Variants in MAP3K20 observed in about 807,000 individuals in gnomAD.
The protein encoded by MAP3K20 is mitogen-activated protein kinase kinase kinase 20.
In MAP3K20, 40 loss-of-function variants were observed where a neutral mutation model predicts 85.7. That is an observed-to-expected ratio of 0.47 (90% CI 0.36 to 0.61). The LOEUF is 0.61. Ranked by LOEUF, MAP3K20 falls within the 20% of genes least tolerant of loss-of-function variation. MAP3K20 has a pLI of 0.00. For missense variants in MAP3K20, 817 were observed against 961.7 expected, an observed-to-expected ratio of 0.85 and a Z score of 1.99; for synonymous variants, 325 against 327.7, an observed-to-expected ratio of 0.99 and a Z score of 0.09.
intron 2 of MAP3K20, among the ~76,000 whole-genome samples, chr2:173,115,253 A>AT (rs994108609): frequency 6.6e-6 from 1 of 151,966 alleles, no homozygotes; most frequent in Non-Finnish European, 1.5e-5. Flanking sequence ...AAATTTCCTG[A>AT]TTTTTTAATT....
intron 2 of MAP3K20, among the ~76,000 whole-genome samples, chr2:173,134,386 C>G (rs1293895752): frequency 6.4e-5 from 4 of 62,428 alleles, no homozygotes; most frequent in South Asian, 1.1e-3. Flanking sequence ...GTGTGTGTGT[C>G]TCTATACATA....
At chr2:173,238,100 A>G (rs1000497918) in intron 14 of MAP3K20, among the ~76,000 whole-genome samples, 3 of 152,164 alleles carry the variant, frequency 2.0e-5, no homozygotes, top group African/African-American at 7.2e-5. Context: ...GTGGAGAGTT[A>G]TGATAGCATT....
chr2:173,119,470 C>G (rs980400185), intron 2 of MAP3K20, among the ~76,000 whole-genome samples: 9 of 152,180 alleles, frequency 5.9e-5, no homozygotes, highest in African/African-American at 2.2e-4. Context: ...ATATAGGAAA[C>G]AGGTCTCTTC....
intron 3 of MAP3K20, among the ~76,000 whole-genome samples, chr2:173,181,357 C>T (rs1690319233): frequency 7.5e-6 from 1 of 134,146 alleles, no homozygotes; most frequent in African/African-American, 2.8e-5. Flanking sequence ...TAGCAAGACC[C>T]CTTTCTCAGA....
chr2:173,091,030 A>C lies in MAP3K20; in HGVS notation c.-2A>C, dbSNP rs1687282543. On this transcript the variant is annotated 5_prime_UTR_variant, in exon 2 of 20. Coordinates refer to ENST00000375213, the MANE Select transcript of MAP3K20 (RefSeq NM_016653.3). ...GGAAGTATAATACTTTGTCATTATGAGATGTCGTCTCTCGGTGCCTCCTTT... is the reference window on the plus strand; with the variant it reads ...GGAAGTATAATACTTTGTCATTATGCGATGTCGTCTCTCGGTGCCTCCTTT... 2.5e-6 allele frequency: 4 copies of C among 1,607,378 alleles called. No individual in the cohort carries two copies. The highest frequency in any genetic ancestry group is 3.4e-6 in the Non-Finnish European group (4 of 1,177,844).
chr2:173,147,820 C>T (rs1030537733), intron 2 of MAP3K20, among the ~76,000 whole-genome samples: 3 of 152,032 alleles, frequency 2.0e-5, no homozygotes, highest in Admixed American at 6.6e-5. Context: ...TTCTTGATCT[C>T]GTGATCCACC....
intron 2 of MAP3K20, among the ~76,000 whole-genome samples, chr2:173,102,894 T>C (rs79493571): frequency 0.068 from 10,399 of 151,940 alleles, 515 homozygotes; most frequent in African/African-American, 0.13. Context: ...GCCAAAACCC[T>C]GTCTCTACTA....
intron 10 of MAP3K20, chr2:173,211,707 G>C (rs1383753127): frequency 6.6e-6 from 1 of 152,366 alleles, no homozygotes; most frequent in Non-Finnish European, 1.5e-5. Context: ...AACGTCAGGA[G>C]ATCGAGACCA....
intron 2 of MAP3K20, among the ~76,000 whole-genome samples, chr2:173,119,775 A>G (rs1688227947): frequency 6.6e-6 from 1 of 152,190 alleles, no homozygotes; most frequent in African/African-American, 2.4e-5. Flanking sequence ...TGTACAAGTG[A>G]AGAAGTTCTC....
intron 14 of MAP3K20, 100 bp from the exon 15 acceptor site, chr2:173,238,260 CAAGATATTTTATG>C (rs1479411110): frequency 7.0e-6 from 6 of 853,932 alleles, no homozygotes; most frequent in Non-Finnish European, 1.1e-5. Flanking sequence ...TAAATGCCCC[CAAGATATTTTATG>C]AACTAGGTAA....
At chr2:173,138,313 A>G (rs1292568413) in intron 2 of MAP3K20, among the ~76,000 whole-genome samples, 1 of 152,200 alleles carries the variant, frequency 6.6e-6, no homozygotes, top group South Asian at 2.1e-4. Context: ...GAAAGTGTCC[A>G]TGATTATGAA....
At chr2:173,139,029 A>G (rs1040530138) in intron 2 of MAP3K20, among the ~76,000 whole-genome samples, 15 of 152,184 alleles carry the variant, frequency 9.9e-5, no homozygotes, top group African/African-American at 1.4e-4. Context: ...GGCTTAAGTA[A>G]CTTTTGTTAA....
intron 2 of MAP3K20, among the ~76,000 whole-genome samples, chr2:173,118,354 A>T (rs1454015004): frequency 6.6e-6 from 1 of 152,238 alleles, no homozygotes; most frequent in Non-Finnish European, 1.5e-5. Context: ...ATGGACCTGA[A>T]TTAATTTTTT....
intron 10 of MAP3K20, among the ~76,000 whole-genome samples, chr2:173,216,675 C>T (rs1021858530): frequency 6.6e-5 from 10 of 152,168 alleles, no homozygotes; most frequent in African/African-American, 2.4e-4. Context: ...AGTGTCATCT[C>T]AACCACTTAC....
At chr2:173,151,140 A>G (rs747081693) in intron 2 of MAP3K20, among the ~76,000 whole-genome samples, 7 of 152,142 alleles carry the variant, frequency 4.6e-5, no homozygotes, top group African/African-American at 1.2e-4. Context: ...TTGTTATTAG[A>G]CAATAACAAG....
intron 8 of MAP3K20, among the ~76,000 whole-genome samples, chr2:173,203,465 G>T (rs1683561490): frequency 6.6e-6 from 1 of 152,144 alleles, no homozygotes; most frequent in South Asian, 2.1e-4. Context: ...TAAACATACA[G>T]TGACATATGG....
chr2:173,261,544 A>G (rs1366415236), intron 18 of MAP3K20, among the ~76,000 whole-genome samples: 1 of 152,230 alleles, frequency 6.6e-6, no homozygotes, highest in African/African-American at 2.4e-5. Context: ...GGCAACAGTT[A>G]TAGTACAGTC....
chr2:173,182,412 CCTT>C lies in MAP3K20; in HGVS notation c.248-439_248-437del, dbSNP rs1690358259. 3.3e-5 allele frequency among the ~76,000 whole-genome samples: 5 copies of C among 152,174 alleles called. No individual in the cohort carries two copies. In the South Asian group the frequency reaches 1.0e-3, roughly 32 times the overall value. ...TAAAGGATTTTTCTCACTTTTTTGA[CCTT>C]CTGTGCTTAAATTTTGAGAGCTCTT... On this transcript the variant is annotated intron_variant, in intron 3 of 19. Coordinates refer to ENST00000375213, the MANE Select transcript of MAP3K20 (RefSeq NM_016653.3).
chr2:173,111,004 A>T (rs1454459803), intron 2 of MAP3K20, among the ~76,000 whole-genome samples: 1 of 152,232 alleles, frequency 6.6e-6, no homozygotes, highest in Admixed American at 6.5e-5. Flanking sequence ...AGGAATCTCC[A>T]CACTGTCTTC....
Sources: gnomAD v4.1 joint callset for allele counts (sites outside exome capture counted in the v4.1 genomes callset) on GRCh38, gnomAD v4.1.1 for gene constraint, MANE v1.5 for transcripts, NCBI Gene and HGNC (gene_info 2026-07-23, HGNC 2026-07-21) for gene names.